TMEM232: variants seen among roughly 807,000 people sequenced by gnomAD.
TMEM232 encodes the protein transmembrane protein 232.
In TMEM232, 80 loss-of-function variants were observed where a neutral mutation model predicts 78.8. The ratio of observed to expected loss-of-function variants is 1.01; its 90% confidence interval spans 0.85 to 1.22. The LOEUF (loss-of-function observed/expected upper bound fraction) is 1.22, where lower values mean the gene tolerates loss of function less well. Ranked by LOEUF, TMEM232 falls within the 50% of genes most tolerant of loss-of-function variation. The pLI, the probability that TMEM232 is intolerant of heterozygous loss-of-function variation, is 0.00. For missense variants in TMEM232, 881 were observed against 742.2 expected (o/e 1.19, Z -2.17); for synonymous variants, 297 against 254.3 (o/e 1.17, Z -1.60).
intron 13 of TMEM232, among the ~76,000 whole-genome samples, chr5:110,423,269 C>T (rs1284370592): frequency 2.6e-5 from 4 of 152,114 alleles, no homozygotes; most frequent in Admixed American, 1.3e-4. Context: ...TGGGAATAGA[C>T]TCATTTACTT....
chr5:110,606,303 A>G lies in TMEM232; in HGVS notation c.903-16T>C. The G allele has an allele frequency of 6.6e-7, 1 of 1,507,586 alleles. No homozygotes were observed. Among genetic ancestry groups the G allele is most frequent in the Non-Finnish European group, 8.9e-7 (1 of 1,124,292 alleles). The allele number at this position is 1,507,586 out of a possible 1,614,324, so 93.4% of individuals were successfully genotyped here. A position where few individuals can be genotyped will look rare whatever the true frequency, so the allele number is the denominator to read the frequency against. Reference sequence around the variant, plus strand: ...TGAATCCAACCTGAAAATTTTATGGACGAAAGGATAAAGATTTTAATGGAA... The same window carrying G: ...TGAATCCAACCTGAAAATTTTATGGGCGAAAGGATAAAGATTTTAATGGAA... On this transcript the variant is annotated splice_polypyrimidine_tract_variant and intron_variant, in intron 8 of 13. Coordinates refer to ENST00000455884, the MANE Select transcript of TMEM232 (RefSeq NM_001039763.4).
intron 1 of TMEM232, among the ~76,000 whole-genome samples, chr5:110,672,017 GAAA>G (rs1175097675): frequency 6.6e-6 from 1 of 151,828 alleles, no homozygotes; most frequent in African/African-American, 2.4e-5. Context: ...GGATGGAAAA[GAAA>G]AAAATACAGG....
chr5:110,522,526 A>T lies in TMEM232; in HGVS notation c.1703+6062T>A, dbSNP rs544843099. ...GAAAACATTCAGTTTTTCACTATCG[A>T]GTATGATGTTAGCTGTGGACTTTAC... On this transcript the variant is annotated intron_variant, in intron 12 of 13. Transcript: ENST00000455884. Among the ~76,000 whole-genome samples the T allele has an allele frequency of 1.1e-4, 16 of 152,288 alleles. No individual in the cohort carries two copies. In the East Asian group the frequency reaches 3.1e-3, roughly 29 times the overall value.
At chr5:110,468,187 C>T (rs572336292) in intron 12 of TMEM232, among the ~76,000 whole-genome samples, 1 of 151,728 alleles carries the variant, frequency 6.6e-6, no homozygotes, top group African/African-American at 2.4e-5. Context: ...TAATGGAACC[C>T]AGAATACAAT....
chr5:110,714,758 GATA>G (rs1796855642), intron 1 of TMEM232, among the ~76,000 whole-genome samples: 1 of 152,110 alleles, frequency 6.6e-6, no homozygotes, highest in Non-Finnish European at 1.5e-5. Context: ...ACATAAAAGT[GATA>G]ATAATGTTTG....
chr5:110,728,788 C>T (rs2150370538), upstream of TMEM232, among the ~76,000 whole-genome samples: 1 of 149,830 alleles, frequency 6.7e-6, no homozygotes, highest in African/African-American at 2.4e-5. Context: ...ATCCTAACCC[C>T]TTAGTATGGC....
intron 2 of TMEM232, among the ~76,000 whole-genome samples, chr5:110,643,397 G>A: frequency 6.6e-6 from 1 of 152,134 alleles, no homozygotes; most frequent in East Asian, 1.9e-4. Flanking sequence ...GGAATTTAAA[G>A]TCTTATGAAT....
intron 11 of TMEM232, among the ~76,000 whole-genome samples, chr5:110,530,955 A>G (rs1243160691): frequency 6.6e-6 from 1 of 152,164 alleles, no homozygotes; most frequent in East Asian, 1.9e-4. Context: ...TCTGAGCCTA[A>G]GCTAAGCCAT....
upstream of TMEM232, among the ~76,000 whole-genome samples, chr5:110,727,372 G>A (rs1238855964): frequency 6.6e-6 from 1 of 152,194 alleles, no homozygotes; most frequent in African/African-American, 2.4e-5. Context: ...AGCACTTTGG[G>A]AGGCCAAGGT....
intron 4 of TMEM232, among the ~76,000 whole-genome samples, chr5:110,639,525 T>C (rs1580459607): frequency 6.6e-6 from 1 of 152,126 alleles, no homozygotes; most frequent in South Asian, 2.1e-4. Context: ...ATGAGGACTG[T>C]GATGACTACA....
At chr5:110,402,686 A>T (rs1755646372) in intron 2 of TMEM232, among the ~76,000 whole-genome samples, 1 of 152,108 alleles carries the variant, frequency 6.6e-6, no homozygotes, top group Non-Finnish European at 1.5e-5. Flanking sequence ...GCTGCTGATG[A>T]CAAGCAACAT....
At chr5:110,671,875 C>T (rs755846106) in intron 1 of TMEM232, among the ~76,000 whole-genome samples, 1 of 152,034 alleles carries the variant, frequency 6.6e-6, no homozygotes, top group Non-Finnish European at 1.5e-5. Context: ...GCACATGTAT[C>T]CCAAAACTTA....
chr5:110,424,448 T>A (rs958848443), intron 13 of TMEM232, among the ~76,000 whole-genome samples: 1 of 152,176 alleles, frequency 6.6e-6, no homozygotes, highest in African/African-American at 2.4e-5. Flanking sequence ...ACAGTCTTTC[T>A]GATCTGTCAA....
At chr5:110,457,154 A>C (rs1760998098) in intron 12 of TMEM232, among the ~76,000 whole-genome samples, 1 of 152,142 alleles carries the variant, frequency 6.6e-6, no homozygotes, top group Admixed American at 6.5e-5. Context: ...TGCAAGAAAA[A>C]ACACCTATTA....
chr5:110,505,777 T>A (rs1371767557), intron 12 of TMEM232, among the ~76,000 whole-genome samples: 1 of 152,208 alleles, frequency 6.6e-6, no homozygotes, highest in Non-Finnish European at 1.5e-5. Context: ...CCCAAAGTGT[T>A]GGGATTACAG....
At chr5:110,461,712 G>A (rs1561524856) in intron 12 of TMEM232, among the ~76,000 whole-genome samples, 1 of 152,208 alleles carries the variant, frequency 6.6e-6, no homozygotes, top group Non-Finnish European at 1.5e-5. Context: ...GCCAATGAAT[G>A]TAACTAGAAG....
intron 12 of TMEM232, among the ~76,000 whole-genome samples, chr5:110,519,444 T>C (rs991653830): frequency 2.0e-5 from 3 of 152,094 alleles, no homozygotes; most frequent in South Asian, 2.1e-4. Context: ...CCACGTAAAA[T>C]GGCTTCTATT....
intron 4 of TMEM232, among the ~76,000 whole-genome samples, chr5:110,640,062 C>T (rs1786454865): frequency 6.6e-6 from 1 of 152,178 alleles, no homozygotes; most frequent in South Asian, 2.1e-4. Context: ...TTCTAAATCA[C>T]ATGACTGATT....
intron 1 of TMEM232, chr5:110,725,625 C>A (rs527720788): frequency 3.3e-5 from 5 of 152,218 alleles, no homozygotes; most frequent in Non-Finnish European, 7.4e-5. Flanking sequence ...TTACCCAAAC[C>A]AAGAATGTTT....
Sources: gnomAD v4.1 joint callset for allele counts (sites outside exome capture counted in the v4.1 genomes callset) on GRCh38, gnomAD v4.1.1 for gene constraint, MANE v1.5 for transcripts, NCBI Gene and HGNC (gene_info 2026-07-23, HGNC 2026-07-21) for gene names.